JPH2: variants seen among roughly 807,000 people sequenced by gnomAD.
The protein encoded by JPH2 is junctophilin-2.
JPH2 carries 38 observed loss-of-function variants against 55.9 expected under a neutral mutation model. The observed-to-expected ratio is 0.68, with a 90% CI of 0.52 to 0.89. The LOEUF (loss-of-function observed/expected upper bound fraction) is 0.89, where lower values mean the gene tolerates loss of function less well. Among genes scored for constraint, JPH2 ranks in the 40% least tolerant of loss-of-function variants. JPH2 has a pLI of 0.00. For missense variants in JPH2, 964 were observed against 1,037.6 expected (o/e 0.93, Z 0.97); for synonymous variants, 480 against 472.4 (o/e 1.02, Z -0.21).
chr20:44,177,125 T>C, intron 1 of JPH2: 2 of 985,524 alleles, frequency 2.0e-6, no homozygotes, highest in Non-Finnish European at 2.4e-6. Flanking sequence ...GAGTGAAAGT[T>C]ACACGGGAGG....
At chr20:44,157,304 C>T (rs979641993) in intron 2 of JPH2, among the ~76,000 whole-genome samples, 1 of 152,178 alleles carries the variant, frequency 6.6e-6, no homozygotes, top group African/African-American at 2.4e-5. Context: ...GGAGGGTAGC[C>T]TGCATACAAA....
At chr20:44,127,172 G>A (rs2072282801) in intron 2 of JPH2, among the ~76,000 whole-genome samples, 1 of 152,148 alleles carries the variant, frequency 6.6e-6, no homozygotes, top group Non-Finnish European at 1.5e-5. Context: ...ATATTCCATT[G>A]TGTGGATAAA....
chr20:44,185,937 G>C (rs1426579027), intron 1 of JPH2, among the ~76,000 whole-genome samples: 2 of 152,208 alleles, frequency 1.3e-5, no homozygotes, highest in East Asian at 3.9e-4. Context: ...TACTCCTCAT[G>C]ATCTATTGCT....
chr20:44,162,787 T>G (rs2425629), intron 1 of JPH2, among the ~76,000 whole-genome samples: 1 of 41,008 alleles, frequency 2.4e-5, no homozygotes, highest in Non-Finnish European at 4.2e-5. Context: ...TATATATATA[T>G]ACACACACAC....
chr20:44,159,648 G>T lies in JPH2; in HGVS notation c.1139C>A (p.Ala380Glu), dbSNP rs1216466447. ...GGCGGCAATCTCGGCCTTCTGGCGC[G>T]CGATAGCAGCGGCGCGCTGGGCACC... Reference protein sequence around the residue: ...VEGAQRAAAIARQKAEIAASR... With the variant: ...VEGAQRAAAIERQKAEIAASR... The change falls in exon 2 of 6, where the codon GCG becomes GAG. Residue 380 changes from alanine to glutamate, a missense_variant. By Grantham distance (107) the Ala-to-Glu change is moderately radical. Transcript: ENST00000372980. This position sits in a 1 kb window ranked among gnomAD's most constrained non-coding sequence, Gnocchi z 5.7. 6.2e-7 allele frequency: 1 copy of T among 1,607,320 alleles called. No individual in the cohort carries two copies. The highest frequency in any genetic ancestry group is 8.5e-7 in the Non-Finnish European group (1 of 1,179,886).
chr20:44,129,782 G>A (rs1021017279), intron 2 of JPH2, among the ~76,000 whole-genome samples: 21 of 152,092 alleles, frequency 1.4e-4, no homozygotes, highest in African/African-American at 5.1e-4. Flanking sequence ...GGCCCTAAAT[G>A]TAACCACAGG....
chr20:44,176,825 A>G, intron 1 of JPH2: 1 of 974,872 alleles, frequency 1.0e-6, no homozygotes, highest in South Asian at 4.7e-5. Flanking sequence ...GGTATCCATA[A>G]AGGATTCCAA....
intron 2 of JPH2, among the ~76,000 whole-genome samples, chr20:44,126,142 G>GA (rs199691984): frequency 0.086 from 3,482 of 40,260 alleles, 317 homozygotes; most frequent in Non-Finnish European, 0.097. Flanking sequence ...AAAAGAGAGA[G>GA]GGAGGGAGGG....
At position 44,186,307 on chromosome 20, in the gene JPH2, G is replaced by C; in HGVS notation, c.379+20C>G. 1.9e-6 allele frequency: 3 copies of C among 1,607,968 alleles called. No individual in the cohort carries two copies. Among genetic ancestry groups the C allele is most frequent in the Non-Finnish European group, 1.7e-6 (2 of 1,179,610 alleles). On this transcript the variant is annotated intron_variant, in intron 1 of 5. Coordinates refer to ENST00000372980, the MANE Select transcript of JPH2 (RefSeq NM_020433.5). ...CTCCCTGGCTCCACCCCACCTCTGC[G>C]GGCCCCCAGCTGGCCTCACCTCCAT...
In JPH2 at chr20:44,110,871, C is replaced by T. The variant is rs532870720; in HGVS notation, c.*2647G>A. On this transcript the variant is annotated 3_prime_UTR_variant, in exon 6 of 6. Transcript: ENST00000372980. ...CACAGAAAGAGGGAGTGAGGGAGCA[C>T]ATGGCCCATCAGTGATAGGGCTGGG... 5.3e-5 allele frequency among the ~76,000 whole-genome samples: 8 copies of T among 152,294 alleles called. 1 individual carries two copies. The East Asian group carries it at 5.8e-4, about 11-fold the overall frequency.
Position 44,159,944 on chromosome 20 carries a change from G to A in JPH2, c.843C>T (p.Ala281=), listed in dbSNP as rs151305680. 5.1e-6 allele frequency: 8 copies of A among 1,560,224 alleles called. No individual in the cohort carries two copies. The highest frequency in any genetic ancestry group is 1.7e-5 in the African/African-American group (1 of 59,858). Residue 281 remains alanine (A), a synonymous_variant, in exon 2 of 6, where the codon GCC becomes GCT. Coordinates refer to ENST00000372980, the MANE Select transcript of JPH2 (RefSeq NM_020433.5). This position sits in a 1 kb window ranked among gnomAD's most constrained non-coding sequence, Gnocchi z 5.7. The stretch of plus-strand genomic sequence containing the variant: ...TCTCGGTGGTGGTGGCGTCGATATC[G>A]GCCTCGAAGGGTGCGGCCTCGTCGG... ...EGADEAAPFE[A]DIDATTTETY... is the part of the protein sequence containing the mutation.
At chr20:44,130,373 T>C (rs1469172093) in intron 2 of JPH2, among the ~76,000 whole-genome samples, 1 of 152,268 alleles carries the variant, frequency 6.6e-6, no homozygotes, top group Non-Finnish European at 1.5e-5. Flanking sequence ...CTGATATTCC[T>C]GCTGCCTGTC....
At chr20:44,162,745 C>CAT (rs1157323951) in intron 1 of JPH2, among the ~76,000 whole-genome samples, 594 of 52,390 alleles carry the variant, frequency 0.011, 5 homozygotes, top group East Asian at 0.017. Flanking sequence ...AATAAACTTC[C>CAT]ATATATATAT....
intron 1 of JPH2, chr20:44,177,478 C>T (rs533857105): frequency 9.1e-6 from 9 of 993,744 alleles, no homozygotes; most frequent in African/African-American, 1.7e-5. Context: ...AAAACAAGGC[C>T]GTGGACAGGA....
At chr20:44,123,896 T>C (rs1428833721) in intron 2 of JPH2, among the ~76,000 whole-genome samples, 3 of 152,160 alleles carry the variant, frequency 2.0e-5, no homozygotes, top group African/African-American at 4.8e-5. Flanking sequence ...CTTGGATGTT[T>C]TCCTTTTAGC....
intron 1 of JPH2, among the ~76,000 whole-genome samples, chr20:44,178,791 G>A (rs1698953232): frequency 6.6e-6 from 1 of 152,150 alleles, no homozygotes; most frequent in African/African-American, 2.4e-5. Context: ...TTGGCATAAA[G>A]ATAGACAAAC....
At chr20:44,137,039 T>C (rs1394927879) in intron 2 of JPH2, among the ~76,000 whole-genome samples, 2 of 152,312 alleles carry the variant, frequency 1.3e-5, no homozygotes, top group Non-Finnish European at 2.9e-5. Context: ...TGGGGTACCA[T>C]TGTGAACAGG....
intron 2 of JPH2, among the ~76,000 whole-genome samples, chr20:44,130,747 C>T (rs910944496): frequency 2.6e-5 from 4 of 152,360 alleles, no homozygotes; most frequent in African/African-American, 4.8e-5. Flanking sequence ...AGTGCGCTGA[C>T]GTCACTTTGC....
intron 5 of JPH2, 62 bp downstream of exon 5, chr20:44,114,720 G>C: frequency 8.1e-7 from 1 of 1,235,106 alleles, no homozygotes; most frequent in South Asian, 1.3e-5. Flanking sequence ...CCACCACCCT[G>C]GTGCTCAAAA....
Sources: gnomAD v4.1 joint callset for allele counts (sites outside exome capture counted in the v4.1 genomes callset) on GRCh38, gnomAD v4.1.1 for gene constraint, Gnocchi (gnomAD v3.1) non-coding constraint, MANE v1.5 for transcripts, NCBI Gene and HGNC (gene_info 2026-07-23, HGNC 2026-07-21) for gene names.